GNAO1: variants seen among roughly 807,000 people sequenced by gnomAD.
GNAO1 encodes G protein subunit alpha o1, also known as guanine nucleotide-binding protein G(o) subunit alpha.
For missense variants in GNAO1, 166 were observed against 478.7 expected, an observed-to-expected ratio of 0.35 and a Z score of 6.10; for synonymous variants, 164 against 180.7, an observed-to-expected ratio of 0.91 and a Z score of 0.74.
At chr16:56,355,652 G>C (rs1413946632) in intron 8 of GNAO1, 1 of 152,248 alleles carries the variant, frequency 6.6e-6, no homozygotes, top group East Asian at 1.9e-4. Context: ...GGTGGTGGTT[G>C]TTAATTTCAG....
rs57085646 is a variant in GNAO1, at chr16:56,355,207, T to TTA, written c.*28+145_*28+146dup. 0.35 allele frequency: 70,009 copies of TTA among 199,320 alleles called. 12,101 individuals carry two copies. The highest frequency in any genetic ancestry group is 0.41 in the African/African-American group (16,619 of 40,508). The allele number at this position is 199,320 out of a possible 1,614,324, so 12.3% of individuals were successfully genotyped here. A position where few individuals can be genotyped will look rare whatever the true frequency, so the allele number is the denominator to read the frequency against. On this transcript the variant is annotated intron_variant, in intron 8 of 8. Transcript: ENST00000262493. The stretch of plus-strand genomic sequence containing the variant: ...AACTTTAAAGAGGCATAACAAAACC[T>TTA]TATATATATATATATATATACAAAT...
At chr16:56,200,559 T>C (rs1176066123) in intron 2 of GNAO1, among the ~76,000 whole-genome samples, 4 of 152,172 alleles carry the variant, frequency 2.6e-5, no homozygotes, top group African/African-American at 9.6e-5. Flanking sequence ...CCACACAGCT[T>C]AGTAGGTGAC....
chr16:56,201,451 G>A (rs1422088984), intron 2 of GNAO1, among the ~76,000 whole-genome samples: 1 of 152,208 alleles, frequency 6.6e-6, no homozygotes, highest in Non-Finnish European at 1.5e-5. Flanking sequence ...ATCATGAAAG[G>A]CCTTATCTAT....
chr16:56,344,901 T>G (rs1172850569), intron 6 of GNAO1: 8 of 985,178 alleles, frequency 8.1e-6, no homozygotes, highest in Non-Finnish European at 9.6e-6. Context: ...GGGTGGACTT[T>G]TGCAGCCAGT....
intron 3 of GNAO1, among the ~76,000 whole-genome samples, chr16:56,303,988 T>C (rs1247214901): frequency 1.3e-5 from 2 of 152,158 alleles, no homozygotes; most frequent in African/African-American, 2.4e-5. Flanking sequence ...CCCTACTTCA[T>C]TGCTTTTTAG....
intron 3 of GNAO1, among the ~76,000 whole-genome samples, chr16:56,292,220 G>A (rs1403560841): frequency 6.6e-6 from 1 of 152,174 alleles, no homozygotes; most frequent in Non-Finnish European, 1.5e-5. Flanking sequence ...TGAAGCAGGA[G>A]GAGCCTACAA....
intron 3 of GNAO1, chr16:56,307,844 A>G (rs547003223): frequency 6.6e-6 from 1 of 152,394 alleles, no homozygotes; most frequent in East Asian, 1.9e-4. Context: ...AGCATGAGCT[A>G]ACAGATGGGA....
chr16:56,239,870 G>T (rs2036676875), intron 2 of GNAO1, among the ~76,000 whole-genome samples: 2 of 152,176 alleles, frequency 1.3e-5, no homozygotes, highest in African/African-American at 4.8e-5. Flanking sequence ...TCTTAGGCCT[G>T]GTTGCTGGGC....
chr16:56,331,197 C>A (rs2037685015), intron 4 of GNAO1, among the ~76,000 whole-genome samples: 2 of 152,196 alleles, frequency 1.3e-5, no homozygotes, highest in East Asian at 3.9e-4. Context: ...GGGGAGGGAC[C>A]AGGGCACAGG....
At chr16:56,312,062 C>G (rs145590033) in intron 3 of GNAO1, among the ~76,000 whole-genome samples, 1 of 152,158 alleles carries the variant, frequency 6.6e-6, no homozygotes, top group Non-Finnish European at 1.5e-5. Flanking sequence ...GGAGACAGGG[C>G]TGCCGGGCTC....
intron 3 of GNAO1, among the ~76,000 whole-genome samples, chr16:56,300,036 T>TGTGTGTGTGTGTGTGTGTGTGTGC (rs753591618): frequency 1.5e-4 from 14 of 95,174 alleles, no homozygotes; most frequent in East Asian, 5.6e-4. Flanking sequence ...TGTGTGTGTG[T>TGTGTGTGTGTGTGTGTGTGTGTGC]GCGCGCGCGC....
At chr16:56,202,202 G>A (rs1213799906) in intron 2 of GNAO1, among the ~76,000 whole-genome samples, 1 of 152,210 alleles carries the variant, frequency 6.6e-6, no homozygotes, top group Non-Finnish European at 1.5e-5. Context: ...GTGGTTAGTT[G>A]AGTCAGATAT....
intron 3 of GNAO1, among the ~76,000 whole-genome samples, chr16:56,312,175 T>C (rs2037465988): frequency 6.6e-6 from 1 of 152,212 alleles, no homozygotes; most frequent in Non-Finnish European, 1.5e-5. Flanking sequence ...GAAGCAGGGC[T>C]GCACGGGGCT....
chr16:56,356,479 T>C lies in GNAO1; in HGVS notation c.*405T>C, dbSNP rs2037969100. On this transcript the variant is annotated 3_prime_UTR_variant, in exon 9 of 9. Transcript: ENST00000262493. ...GCAGGGCCCATCTGCCGCCTGGGGC[T>C]CCGGTGCGGTGCACTGGTCCGAGGA... 1 of 152,422 alleles carries C rather than the reference T, an allele frequency of 6.6e-6. No individual in the cohort carries two copies. Among genetic ancestry groups the C allele is most frequent in the Non-Finnish European group, 1.5e-5 (1 of 68,076 alleles). 9.4% of individuals were successfully genotyped at this position (152,422 alleles called of 1,614,324 possible). A position where few individuals can be genotyped will look rare whatever the true frequency, so the allele number is the denominator to read the frequency against.
At chr16:56,302,570 CA>C (rs2037355516) in intron 3 of GNAO1, 3 of 152,400 alleles carry the variant, frequency 2.0e-5, no homozygotes, top group Admixed American at 2.0e-4. Context: ...GCTTTTGAAA[CA>C]ATATTATTTC....
chr16:56,201,274 C>T (rs1313697964), intron 2 of GNAO1, among the ~76,000 whole-genome samples: 1 of 152,012 alleles, frequency 6.6e-6, no homozygotes, highest in Non-Finnish European at 1.5e-5. Flanking sequence ...TGGTAGTTCA[C>T]CAGGTCGAAA....
intron 3 of GNAO1, among the ~76,000 whole-genome samples, chr16:56,283,121 T>G (rs996236623): frequency 2.6e-5 from 4 of 152,252 alleles, no homozygotes; most frequent in Admixed American, 2.6e-4. Flanking sequence ...GGCTCTGACT[T>G]ACTTGTGTGG....
At chr16:56,327,488 G>A (rs1188913262) in intron 3 of GNAO1, among the ~76,000 whole-genome samples, 3 of 152,114 alleles carry the variant, frequency 2.0e-5, no homozygotes, top group Admixed American at 2.0e-4. Context: ...AGGTGGGGGA[G>A]GTTCTGAGGA....
At position 56,242,947 on chromosome 16, in the gene GNAO1, C is replaced by T. The variant is rs1293471178; in HGVS notation, c.162-32984C>T. On this transcript the variant is annotated intron_variant, in intron 2 of 8. Transcript: ENST00000262493. ...ATCTGTATTTACAGCCGCTCCCTATCGCTCACATTACTGCCTCAGCTCTGC... is the reference window on the plus strand; with the variant it reads ...ATCTGTATTTACAGCCGCTCCCTATTGCTCACATTACTGCCTCAGCTCTGC... 5.3e-5 allele frequency among the ~76,000 whole-genome samples: 8 copies of T among 152,116 alleles called. No homozygotes were observed. The East Asian group carries it at 7.7e-4, about 15-fold the overall frequency.
Sources: allele counts gnomAD v4.1 joint callset (sites outside exome capture counted in the v4.1 genomes callset), GRCh38; gene constraint gnomAD v4.1.1; transcripts MANE v1.5; gene names NCBI Gene and HGNC (gene_info 2026-07-23, HGNC 2026-07-21).